The following ZNF787 variants were observed in gnomAD, a reference collection of about 807,000 sequenced individuals.
ZNF787 encodes the protein zinc finger protein 787.
A neutral mutation model predicts 16.9 loss-of-function variants in ZNF787; 7 were observed. That is an observed-to-expected ratio of 0.42 (90% CI 0.24 to 0.78). The LOEUF is 0.78. Among genes scored for constraint, ZNF787 ranks in the 30% least tolerant of loss-of-function variants. ZNF787 has a pLI of 0.30. For missense variants in ZNF787, 551 were observed against 589.3 expected, an observed-to-expected ratio of 0.94 and a Z score of 0.67; for synonymous variants, 345 against 270.9, an observed-to-expected ratio of 1.27 and a Z score of -2.69.
intron 1 of ZNF787, among the ~76,000 whole-genome samples, chr19:56,116,610 T>A (rs992095353): frequency 5.3e-5 from 8 of 150,714 alleles, no homozygotes; most frequent in African/African-American, 2.0e-4. Flanking sequence ...GCCTTTATAT[T>A]AAAAAAAAAG....
chr19:56,108,225 C>A (rs2029884285), intron 1 of ZNF787, among the ~76,000 whole-genome samples: 1 of 151,918 alleles, frequency 6.6e-6, no homozygotes, highest in African/African-American at 2.4e-5. Flanking sequence ...CACCCAGCCC[C>A]TGCCCAGTGC....
chr19:56,102,943 T>TGGAGCCACAACAC, intron 2 of ZNF787, 196 bp downstream of exon 2: 1 of 715,676 alleles, frequency 1.4e-6, no homozygotes. Flanking sequence ...AAAGGAAACT[T>TGGAGCCACAACAC]GGAGCCACAA....
At chr19:56,102,370 A>G (rs529534669) in intron 2 of ZNF787, 15 of 154,198 alleles carry the variant, frequency 9.7e-5, no homozygotes, top group Admixed American at 3.2e-4. Context: ...CCTGACATGC[A>G]GACACAGCAA....
chr19:56,098,637 TACA>T lies in ZNF787; in HGVS notation c.79+4499_79+4501del, dbSNP rs1568527068. Among the ~76,000 whole-genome samples, 135 of 21,166 alleles carry T rather than the reference TACA, an allele frequency of 6.4e-3. 10 individuals are homozygous for T. Among genetic ancestry groups the T allele is most frequent in the African/African-American group, 0.021 (127 of 5,998 alleles). 13.9% of individuals were successfully genotyped at this position (21,166 alleles called of 152,430 possible). A position where few individuals can be genotyped will look rare whatever the true frequency, so the allele number is the denominator to read the frequency against. ...CCGGGTGATTACGGCCGCAGGGTGATACAGCCGCAGGGTGATGCCACCAGGGTG... is the reference window on the plus strand; with the variant it reads ...CCGGGTGATTACGGCCGCAGGGTGATGCCGCAGGGTGATGCCACCAGGGTG... On this transcript the variant is annotated intron_variant, in intron 2 of 2. Coordinates refer to ENST00000610935, the MANE Select transcript of ZNF787 (RefSeq NM_001002836.4).
chr19:56,116,168 G>A (rs1026585506), intron 1 of ZNF787, among the ~76,000 whole-genome samples: 5 of 152,052 alleles, frequency 3.3e-5, no homozygotes, highest in African/African-American at 1.2e-4. Context: ...CTGGCTGGGC[G>A]CGGTGGCTCA....
At chr19:56,089,902 C>T (rs1276170067) in intron 2 of ZNF787, among the ~76,000 whole-genome samples, 2 of 152,196 alleles carry the variant, frequency 1.3e-5, no homozygotes, top group Non-Finnish European at 2.9e-5. Flanking sequence ...GGCTTGCCTC[C>T]TCCCCAGCTC....
chr19:56,099,710 C>CAGAAA (rs1986015835), intron 2 of ZNF787, among the ~76,000 whole-genome samples: 1 of 106,604 alleles, frequency 9.4e-6, no homozygotes, highest in Non-Finnish European at 1.8e-5. Context: ...GGCTCCGTCT[C>CAGAAA]AAAAAAAAAA....
chr19:56,108,902 G>A (rs1324434339), intron 1 of ZNF787, among the ~76,000 whole-genome samples: 1 of 152,160 alleles, frequency 6.6e-6, no homozygotes. Flanking sequence ...CCTCTCCAGA[G>A]GCTACCGACA....
At chr19:56,103,108 G>C (rs1472971540) in intron 2 of ZNF787, 31 bp downstream of exon 2, 2 of 1,610,358 alleles carry the variant, frequency 1.2e-6, no homozygotes, top group Middle Eastern at 1.7e-4. Flanking sequence ...GGAGGCAGCG[G>C]GGTCGGCTGG....
chr19:56,094,668 G>T (rs1264327519), intron 2 of ZNF787, among the ~76,000 whole-genome samples: 2 of 152,124 alleles, frequency 1.3e-5, no homozygotes, highest in Non-Finnish European at 2.9e-5. Context: ...ACGCTGCACT[G>T]CCTCAGCTCG....
intron 1 of ZNF787, among the ~76,000 whole-genome samples, chr19:56,115,329 C>A (rs1442040034): frequency 6.6e-6 from 1 of 150,902 alleles, no homozygotes; most frequent in Non-Finnish European, 1.5e-5. Flanking sequence ...CTCTAGAGGC[C>A]GGCCGCGGCA....
At chr19:56,094,146 C>A (rs1181478974) in intron 2 of ZNF787, among the ~76,000 whole-genome samples, 1 of 151,832 alleles carries the variant, frequency 6.6e-6, no homozygotes, top group Non-Finnish European at 1.5e-5. Flanking sequence ...GCCTCAGCCT[C>A]CCGAGTAGCA....
rs757905794 is a variant in ZNF787, at chr19:56,088,636, A to G, written c.536T>C (p.Val179Ala). ...GAAGCCGCGGCCGCAGCGCGGGCAC[A>G]CGAAGGGCTTGAGGCCGCTGTGCGA... The part of the protein sequence containing the change: ...RRSHSGLKPF[V>A]CPRCGRGFSQ... The change falls in exon 3 of 3, where the codon GTG (valine) becomes GCG (alanine). Residue 179 changes from valine (V) to alanine (A), a missense_variant. By Grantham distance (64) the Val-to-Ala change is moderately conservative. Transcript: ENST00000610935. The surrounding 1 kb of genome is among the most constrained non-coding windows in gnomAD (Gnocchi z 8.6). 2.6e-6 allele frequency: 4 copies of G among 1,538,500 alleles called. No homozygotes were observed. The highest frequency in any genetic ancestry group is 3.5e-6 in the Non-Finnish European group (4 of 1,150,890).
chr19:56,088,845 C>T lies in ZNF787; in HGVS notation c.327G>A (p.Leu109=), dbSNP rs1249667587. The change falls in exon 3 of 3, where the codon CTG becomes CTA. Residue 109 remains leucine, a synonymous_variant. Coordinates refer to ENST00000610935, the MANE Select transcript of ZNF787 (RefSeq NM_001002836.4). This position sits in a 1 kb window ranked among gnomAD's most constrained non-coding sequence, Gnocchi z 8.6. ...CCGTGTGGATGCGCCGGTGCTGCAC[C>T]AGGTGCGAGCTCTGCGAGAAGGTCT... The part of the protein sequence containing the change: ...CGKTFSQSSH[L]VQHRRIHTGE... 1.2e-6 allele frequency: 2 copies of T among 1,610,254 alleles called. No homozygotes were observed. The highest frequency in any genetic ancestry group is 2.2e-5 in the East Asian group (1 of 44,764).
intron 2 of ZNF787, among the ~76,000 whole-genome samples, chr19:56,095,357 G>A (rs184157277): frequency 6.1e-4 from 93 of 152,222 alleles, no homozygotes; most frequent in Admixed American, 1.9e-3. Context: ...ATGCACTTCC[G>A]GCCTGCCTAT....
At chr19:56,109,058 G>A (rs536948778) in intron 1 of ZNF787, among the ~76,000 whole-genome samples, 5 of 152,230 alleles carry the variant, frequency 3.3e-5, no homozygotes, top group South Asian at 4.1e-4. Context: ...CAAGGGAGCC[G>A]GCCAAGGAAT....
At chr19:56,111,196 TCCAGGCCACAG>T (rs67875909) in intron 1 of ZNF787, among the ~76,000 whole-genome samples, 139,058 of 151,874 alleles carry the variant, frequency 0.92, 64,338 homozygotes, top group Non-Finnish European at 0.99. Flanking sequence ...GTGCACACTT[TCCAGGCCACAG>T]CCAGGCCAAG....
chr19:56,103,310 G>C (rs1986177703), intron 1 of ZNF787, 83 bp from the exon 2 acceptor site: 1 of 1,267,900 alleles, frequency 7.9e-7, no homozygotes, highest in African/African-American at 1.5e-5. Context: ...GCAGCCTGCA[G>C]ACCCCGGCGT....
chr19:56,091,712 T>G (rs1177017254), intron 2 of ZNF787, among the ~76,000 whole-genome samples: 1 of 152,216 alleles, frequency 6.6e-6, no homozygotes, highest in African/African-American at 2.4e-5. Flanking sequence ...CACTGTTAAA[T>G]GGACAGGGTT....
Sources: allele counts gnomAD v4.1 joint callset (sites outside exome capture counted in the v4.1 genomes callset), GRCh38; gene constraint gnomAD v4.1.1; non-coding constraint Gnocchi (gnomAD v3.1); transcripts MANE v1.5; gene names NCBI Gene and HGNC (gene_info 2026-07-23, HGNC 2026-07-21).